Variants in CALN1 observed in about 807,000 individuals in gnomAD.
CALN1 encodes the protein calcium-binding protein 8.
Under a neutral mutation model 30.6 loss-of-function variants are expected in CALN1, and 17 were observed. The observed-to-expected ratio is 0.56, with a 90% CI of 0.38 to 0.83. CALN1 has a LOEUF of 0.83. CALN1 is among the 40% of genes least tolerant of loss of function. The probability of loss-of-function intolerance (pLI) is 0.00; values close to 1 mark genes in which losing one functional copy is unlikely to be tolerated. For missense variants in CALN1, 291 were observed against 354.9 expected, an observed-to-expected ratio of 0.82 and a Z score of 1.45; for synonymous variants, 156 against 131.4, an observed-to-expected ratio of 1.19 and a Z score of -1.28.
intron 6 of CALN1, among the ~76,000 whole-genome samples, chr7:71,788,483 T>C (rs1444293920): frequency 1.4e-5 from 2 of 142,574 alleles, no homozygotes; most frequent in African/African-American, 5.6e-5. Context: ...AAGAGGTTTT[T>C]TTTTGTTGTT....
intron 5 of CALN1, among the ~76,000 whole-genome samples, chr7:71,949,299 C>A (rs956369186): frequency 6.6e-6 from 1 of 152,112 alleles, no homozygotes; most frequent in Non-Finnish European, 1.5e-5. Context: ...AAAGGGTGTA[C>A]GTCGAGTAAG....
intron 4 of CALN1, among the ~76,000 whole-genome samples, chr7:72,084,519 C>T (rs999591871): frequency 1.1e-4 from 16 of 151,400 alleles, no homozygotes; most frequent in Admixed American, 7.9e-4. Context: ...CCACCATGCC[C>T]AGCTCATTTT....
chr7:72,029,828 G>A (rs1024774193), intron 4 of CALN1, among the ~76,000 whole-genome samples: 2 of 152,148 alleles, frequency 1.3e-5, no homozygotes, highest in African/African-American at 2.4e-5. Context: ...TAACAAATGG[G>A]TAATAATTAG....
chr7:72,469,171 C>T, the CALN1 span, among the ~76,000 whole-genome samples: 5 of 152,240 alleles, frequency 3.3e-5, no homozygotes, highest in African/African-American at 1.2e-4. Context: ...ATATTTTCTT[C>T]TAAGGGTTTA....
At chr7:72,202,830 A>G (rs933980992) in intron 3 of CALN1, among the ~76,000 whole-genome samples, 4 of 152,166 alleles carry the variant, frequency 2.6e-5, no homozygotes, top group African/African-American at 9.7e-5. Context: ...CAGAAATACT[A>G]TTTTACCCAG....
intron 5 of CALN1, among the ~76,000 whole-genome samples, chr7:72,008,619 A>G (rs1244996134): frequency 6.6e-6 from 1 of 151,930 alleles, no homozygotes; most frequent in Non-Finnish European, 1.5e-5. Context: ...CATCTGGCAT[A>G]TCAAATTAAT....
chr7:72,125,791 G>A (rs1808710183), intron 3 of CALN1, among the ~76,000 whole-genome samples: 2 of 131,070 alleles, frequency 1.5e-5, no homozygotes, highest in Admixed American at 1.6e-4. Flanking sequence ...CAAGTCCACT[G>A]TATCATTCTT....
At chr7:71,889,999 A>G (rs777955039) in intron 5 of CALN1, among the ~76,000 whole-genome samples, 119 of 151,724 alleles carry the variant, frequency 7.8e-4, no homozygotes, top group Non-Finnish European at 1.6e-3. Flanking sequence ...GTCACTTTAG[A>G]GTGTAAATTC....
rs1320137548 is a variant in CALN1, at chr7:72,283,588, T to TCC, written c.120-4779_120-4778insGG. 1.1e-4 allele frequency among the ~76,000 whole-genome samples: 16 copies of TCC among 152,288 alleles called. No homozygotes were observed. In the South Asian group the frequency reaches 1.7e-3, roughly 16 times the overall value. ...TACTTAGCACCAGGCATCTGCTCAG[T>TCC]GAGTAACACCAGTAATTATTTGCTA... On this transcript the variant is annotated intron_variant, in intron 2 of 6. Transcript: ENST00000395275.
At chr7:72,345,877 A>G (rs1341143456) in intron 2 of CALN1, among the ~76,000 whole-genome samples, 2 of 152,202 alleles carry the variant, frequency 1.3e-5, no homozygotes, top group Non-Finnish European at 2.9e-5. Flanking sequence ...ATGTATAGCC[A>G]CTATAATTTT....
chr7:72,109,144 G>C (rs528914790), intron 3 of CALN1, among the ~76,000 whole-genome samples: 54 of 152,290 alleles, frequency 3.5e-4, no homozygotes, highest in Admixed American at 2.4e-3. Context: ...GTCTGAATGG[G>C]TAAGGATCAT....
At chr7:72,317,095 G>GAGAAAGAAAGA (rs1800529524) in intron 2 of CALN1, among the ~76,000 whole-genome samples, 1 of 32,864 alleles carries the variant, frequency 3.0e-5, no homozygotes, top group African/African-American at 2.2e-4. Flanking sequence ...AGAGAGAGAG[G>GAGAAAGAAAGA]GAGGGAGGAA....
At chr7:71,952,422 G>C (rs575295298) in intron 5 of CALN1, among the ~76,000 whole-genome samples, 4 of 152,316 alleles carry the variant, frequency 2.6e-5, no homozygotes, top group Admixed American at 1.3e-4. Flanking sequence ...AGGCGTGCAT[G>C]TCAGCAGAGA....
intron 3 of CALN1, among the ~76,000 whole-genome samples, chr7:72,112,132 GAC>G (rs1312040074): frequency 6.6e-6 from 1 of 152,108 alleles, no homozygotes; most frequent in Non-Finnish European, 1.5e-5. Flanking sequence ...GCTTCCTAAT[GAC>G]ACAGCCAATT....
intron 2 of CALN1, among the ~76,000 whole-genome samples, chr7:72,368,570 AATC>A (rs950256454): frequency 6.6e-6 from 1 of 152,088 alleles, no homozygotes; most frequent in Non-Finnish European, 1.5e-5. Context: ...AAATAAGAAA[AATC>A]ATCAAAAATG....
At chr7:71,852,836 T>G (rs1790727826) in intron 5 of CALN1, among the ~76,000 whole-genome samples, 1 of 152,232 alleles carries the variant, frequency 6.6e-6, no homozygotes, top group Non-Finnish European at 1.5e-5. Flanking sequence ...ATATTGATTG[T>G]GCTTATTAGC....
At chr7:72,409,268 A>G (rs1262849363) in intron 1 of CALN1, among the ~76,000 whole-genome samples, 2 of 151,872 alleles carry the variant, frequency 1.3e-5, no homozygotes, top group Non-Finnish European at 2.9e-5. Context: ...TGCTGGGATT[A>G]CAGGCAGAAG....
chr7:72,411,109 T>C (rs1361197230), intron 1 of CALN1, among the ~76,000 whole-genome samples: 1 of 152,184 alleles, frequency 6.6e-6, no homozygotes, highest in Admixed American at 6.5e-5. Flanking sequence ...AGATAATGTA[T>C]GAGCAGAGCC....
At chr7:72,498,867 T>C in the CALN1 span, among the ~76,000 whole-genome samples, 1 of 152,138 alleles carries the variant, frequency 6.6e-6, no homozygotes, top group African/African-American at 2.4e-5. Flanking sequence ...AAAATAAACA[T>C]TCTTATGAAT....
Sources: allele counts gnomAD v4.1 joint callset (sites outside exome capture counted in the v4.1 genomes callset), GRCh38; gene constraint gnomAD v4.1.1; transcripts MANE v1.5; gene names NCBI Gene and HGNC (gene_info 2026-07-23, HGNC 2026-07-21).